Variants in CAMTA1 observed in about 807,000 individuals in gnomAD.
The protein encoded by CAMTA1 is calmodulin-binding transcription activator 1.
A neutral mutation model predicts 170.9 loss-of-function variants in CAMTA1; 27 were observed. That is an observed-to-expected ratio of 0.16 (90% CI 0.12 to 0.22). The LOEUF is 0.22. CAMTA1 is among the 10% of genes least tolerant of loss of function. The pLI, the probability that CAMTA1 is intolerant of heterozygous loss-of-function variation, is 1.00. For missense variants in CAMTA1, 1,619 were observed against 2,217.2 expected (o/e 0.73, Z 5.42); for synonymous variants, 833 against 891.5 (o/e 0.93, Z 1.17).
intron 7 of CAMTA1, among the ~76,000 whole-genome samples, chr1:7,647,150 C>T (rs963486111): frequency 6.6e-6 from 1 of 152,144 alleles, no homozygotes; most frequent in Non-Finnish European, 1.5e-5. Flanking sequence ...CCCAGGATCC[C>T]CAGACCCCCA....
At chr1:7,051,828 C>G (rs1706420621) in intron 3 of CAMTA1, among the ~76,000 whole-genome samples, 1 of 152,060 alleles carries the variant, frequency 6.6e-6, no homozygotes, top group South Asian at 2.1e-4. Flanking sequence ...CCAGTCTACC[C>G]TTGCCCCTGG....
chr1:7,746,426 A>G (rs981647189), intron 18 of CAMTA1, among the ~76,000 whole-genome samples: 2 of 152,178 alleles, frequency 1.3e-5, no homozygotes, highest in African/African-American at 4.8e-5. Context: ...CTCCCAAACC[A>G]TTTGCTTTTA....
At chr1:7,404,150 CT>C (rs1187399542) in intron 5 of CAMTA1, among the ~76,000 whole-genome samples, 1 of 152,196 alleles carries the variant, frequency 6.6e-6, no homozygotes, top group Non-Finnish European at 1.5e-5. Context: ...CAGTTTTTGA[CT>C]CAGAGATCCC....
At chr1:6,933,025 T>G (rs1327168991) in intron 3 of CAMTA1, among the ~76,000 whole-genome samples, 1 of 152,050 alleles carries the variant, frequency 6.6e-6, no homozygotes, top group Non-Finnish European at 1.5e-5. Context: ...TTTTTTTCTG[T>G]TTTTAGGGAT....
chr1:6,843,225 C>T (rs1256296256), intron 3 of CAMTA1, among the ~76,000 whole-genome samples: 1 of 152,074 alleles, frequency 6.6e-6, no homozygotes, highest in Non-Finnish European at 1.5e-5. Flanking sequence ...TCTTCTTTTC[C>T]TCCCATAGTC....
At chr1:7,373,442 G>A (rs1574983176) in intron 5 of CAMTA1, among the ~76,000 whole-genome samples, 1 of 152,208 alleles carries the variant, frequency 6.6e-6, no homozygotes, top group Non-Finnish European at 1.5e-5. Context: ...TGCGCAGATG[G>A]GTGGGAGTGC....
chr1:7,059,355 C>G (rs1422059722), intron 3 of CAMTA1, among the ~76,000 whole-genome samples: 1 of 152,134 alleles, frequency 6.6e-6, no homozygotes, highest in African/African-American at 2.4e-5. Context: ...TGGTGGCTCA[C>G]GCCTATAATC....
chr1:7,479,632 G>A (rs1321596281), intron 6 of CAMTA1, among the ~76,000 whole-genome samples: 1 of 152,158 alleles, frequency 6.6e-6, no homozygotes, highest in African/African-American at 2.4e-5. Context: ...TGGTGCTGGC[G>A]AGCCTCCTGC....
At chr1:7,662,088 G>A (rs941531888) in intron 8 of CAMTA1, among the ~76,000 whole-genome samples, 1 of 152,250 alleles carries the variant, frequency 6.6e-6, no homozygotes, top group Non-Finnish European at 1.5e-5. Context: ...GGGCAGGAGG[G>A]AGCAGTGTCC....
chr1:7,472,058 G>A (rs1261536282), intron 6 of CAMTA1, among the ~76,000 whole-genome samples: 1 of 152,246 alleles, frequency 6.6e-6, no homozygotes, highest in Non-Finnish European at 1.5e-5. Context: ...GCGGGGGTGT[G>A]TCCCCGCATG....
chr1:6,822,747 T>C (rs1646634455), intron 2 of CAMTA1, among the ~76,000 whole-genome samples: 1 of 151,974 alleles, frequency 6.6e-6, no homozygotes. Flanking sequence ...GCCTTTTCTA[T>C]AGCAGTTAAT....
intron 7 of CAMTA1, among the ~76,000 whole-genome samples, chr1:7,645,416 C>T (rs1318584578): frequency 2.6e-5 from 4 of 152,258 alleles, no homozygotes; most frequent in Non-Finnish European, 5.9e-5. Flanking sequence ...GGATGGCACG[C>T]CAGGCATTTC....
intron 4 of CAMTA1, among the ~76,000 whole-genome samples, chr1:7,131,988 G>A (rs886105879): frequency 3.3e-5 from 5 of 151,994 alleles, no homozygotes; most frequent in Non-Finnish European, 7.4e-5. Flanking sequence ...CTGGGAGGGA[G>A]GTTGCAGTGA....
chr1:7,268,885 T>C (rs1052677431), intron 5 of CAMTA1, among the ~76,000 whole-genome samples: 14 of 152,176 alleles, frequency 9.2e-5, no homozygotes, highest in African/African-American at 3.4e-4. Flanking sequence ...AAATAATCTA[T>C]TATAAATATC....
At chr1:7,495,734 C>G (rs1007840696) in intron 6 of CAMTA1, among the ~76,000 whole-genome samples, 5 of 152,242 alleles carry the variant, frequency 3.3e-5, no homozygotes, top group Non-Finnish European at 7.3e-5. Context: ...TTCCTACCCC[C>G]AGATTTAAGT....
chr1:6,838,831 A>G (rs1198969323), intron 3 of CAMTA1, among the ~76,000 whole-genome samples: 2 of 152,120 alleles, frequency 1.3e-5, no homozygotes, highest in Admixed American at 6.5e-5. Context: ...ATTATAGCTC[A>G]CTGCAGCTTC....
intron 4 of CAMTA1, among the ~76,000 whole-genome samples, chr1:7,237,318 C>T (rs1664066557): frequency 6.6e-6 from 1 of 152,080 alleles, no homozygotes; most frequent in South Asian, 2.1e-4. Context: ...TGCCTCCGGG[C>T]CAGGGCTGGG....
At chr1:7,542,879 G>GTGTGTGTGTGTGTGTGT (rs1459264062) in intron 6 of CAMTA1, among the ~76,000 whole-genome samples, 3 of 138,168 alleles carry the variant, frequency 2.2e-5, no homozygotes, top group South Asian at 2.3e-4. Flanking sequence ...GTGTGTGTGT[G>GTGTGTGTGTGTGTGTGT]TTTGAGCCGG....
chr1:7,424,004 G>A (rs1051083227), intron 5 of CAMTA1, among the ~76,000 whole-genome samples: 85 of 152,222 alleles, frequency 5.6e-4, no homozygotes, highest in African/African-American at 1.5e-3. Context: ...AGCCCTTGCC[G>A]TCTGCCCCAG....
Sources: gnomAD v4.1 joint callset for allele counts (sites outside exome capture counted in the v4.1 genomes callset) on GRCh38, gnomAD v4.1.1 for gene constraint, MANE v1.5 for transcripts, NCBI Gene and HGNC (gene_info 2026-07-23, HGNC 2026-07-21) for gene names.